The following SELENOP variants were observed in gnomAD, a reference collection of about 807,000 sequenced individuals.
SELENOP encodes selenoprotein P, also known as selenoprotein P, plasma, 1.
SELENOP carries 36 observed loss-of-function variants against 41.0 expected under a neutral mutation model. The ratio of observed to expected loss-of-function variants is 0.88; its 90% CI spans 0.67 to 1.16. The LOEUF is 1.16. SELENOP is among the 50% of genes most tolerant of loss of function. The probability of loss-of-function intolerance (pLI) is 0.00; values close to 1 mark genes in which losing one functional copy is unlikely to be tolerated. For synonymous variants in SELENOP, 144 were observed against 150.8 expected, an observed-to-expected ratio of 0.95 and a Z score of 0.33; for missense variants, 440 against 454.2, an observed-to-expected ratio of 0.97 and a Z score of 0.28.
chr5:42,801,208 T>C lies in SELENOP; in HGVS notation c.658A>G (p.Ser220Gly). Residue 220 changes from serine to glycine, a missense_variant, in exon 5 of 5, where the codon AGC (serine) becomes GGC (glycine). Ser to Gly is a moderately conservative substitution (Grantham distance 56, BLOSUM62 0). Coordinates refer to ENST00000514985, the MANE Select transcript of SELENOP (RefSeq NM_005410.4). ...HHNHGHQHLG[S>G]SELSENQQPG... ...TGCTGATTCTCTGAAAGCTCACTGC[T>C]GCCAAGGTGCTGATGTCCATGATTG... 1 of 1,614,216 alleles carries C rather than the reference T, an allele frequency of 6.2e-7. No individual in the cohort carries two copies. Among genetic ancestry groups the C allele is most frequent in the Admixed American group, 1.7e-5 (1 of 60,012 alleles).
In SELENOP at chr5:42,804,607, C is replaced by A. The variant is rs907129692; in HGVS notation, c.534+49G>T. 4.6e-6 allele frequency: 5 copies of A among 1,086,362 alleles called. No individual in the cohort carries two copies. In the Admixed American group the frequency reaches 8.4e-5, roughly 18 times the overall value. The allele number at this position is 1,086,362 out of a possible 1,614,324, so 67.3% of individuals were successfully genotyped here. A position where few individuals can be genotyped will look rare whatever the true frequency, so the allele number is the denominator to read the frequency against. On this transcript the variant is annotated intron_variant, in intron 4 of 4. Transcript: ENST00000514985. ...CTAAATAAGTGTTTCATGATAAACT[C>A]TTAAAAGATTTCCTCTTTTCTCCCC...
chr5:42,811,764 T>G (rs1323076436), intron 1 of SELENOP, 72 bp downstream of exon 1: 1 of 152,188 alleles, frequency 6.6e-6, no homozygotes, highest in Non-Finnish European at 1.5e-5. Context: ...AAAAAACAAT[T>G]TATCAGACTC....
rs28919895 is a variant in SELENOP at position 42,806,978 on chromosome 5, G to A, written c.334C>T (p.Pro112Ser). The A allele has an allele frequency of 1.1e-4, 182 of 1,611,540 alleles. No homozygotes were observed. In the East Asian group the frequency reaches 3.8e-3, roughly 34 times the overall value. The change falls in exon 3 of 5, where the codon CCT becomes TCT. Residue 112 changes from proline to serine, a missense_variant. By Grantham distance (74) the Pro-to-Ser change is moderately conservative. Coordinates refer to ENST00000514985, the MANE Select transcript of SELENOP (RefSeq NM_005410.4). ...HLKNKVSEHI[P>S]VYQQEENQTD... ...TGGTTTTCTTCTTGTTGATAAACAG[G>A]AATATGCTCTGAAACCTTATTCTTA...
At chr5:42,802,697 G>A (rs922588952) in intron 4 of SELENOP, among the ~76,000 whole-genome samples, 6 of 152,156 alleles carry the variant, frequency 3.9e-5, no homozygotes, top group African/African-American at 1.2e-4. Flanking sequence ...TGCAACTTCC[G>A]CCTCCTAGGT....
chr5:42,804,633 A>T, intron 4 of SELENOP, 23 bp downstream of exon 4: 1 of 1,355,118 alleles, frequency 7.4e-7, no homozygotes, highest in Non-Finnish European at 1.0e-6. Flanking sequence ...TTTTCTCCCC[A>T]GAAAAATAAT....
chr5:42,801,930 A>C (rs1760214772), intron 4 of SELENOP: 1 of 152,374 alleles, frequency 6.6e-6, no homozygotes, highest in Non-Finnish European at 1.5e-5. Flanking sequence ...AAAATAAAAA[A>C]TAAATAAAAA....
At position 42,800,512 on chromosome 5, in the gene SELENOP, C is replaced by T; in HGVS notation, c.*208G>A. ...ACATATTAACCAAAAGCTGCAATCA[C>T]CTTTCAGTTGCTCCATCATAAAAAA... On this transcript the variant is annotated 3_prime_UTR_variant, in exon 5 of 5. Transcript: ENST00000514985. The T allele has an allele frequency of 1.8e-6, 1 of 551,048 alleles. No homozygotes were observed. The highest frequency in any genetic ancestry group is 3.0e-6 in the Non-Finnish European group (1 of 328,776). The allele number at this position is 551,048 out of a possible 1,614,324, so 34.1% of individuals were successfully genotyped here. A position where few individuals can be genotyped will look rare whatever the true frequency, so the allele number is the denominator to read the frequency against.
chr5:42,808,090 C>T lies in SELENOP; in HGVS notation c.203+61G>A, dbSNP rs551386943. On this transcript the variant is annotated intron_variant, in intron 2 of 4. Coordinates refer to ENST00000514985, the MANE Select transcript of SELENOP (RefSeq NM_005410.4). The stretch of plus-strand genomic sequence containing the variant: ...TACACTTTTATTTTATGTCTATATG[C>T]GTGTGTGTATTTAATAGCCTTCCCC... 1.8e-4 allele frequency: 136 copies of T among 774,544 alleles called. 1 individual carries two copies. The East Asian group carries it at 3.7e-3, about 21-fold the overall frequency. The allele number at this position is 774,544 out of a possible 1,614,324, so 48.0% of individuals were successfully genotyped here.
At chr5:42,805,595 C>T (rs1377971160) in intron 3 of SELENOP, 4 of 140,176 alleles carry the variant, frequency 2.9e-5, no homozygotes, top group Admixed American at 7.8e-5. Context: ...TAGATTTGTG[C>T]AGATCATGCT....
rs748621134 is a variant in SELENOP at position 42,808,386 on chromosome 5, T to G, written c.-13-20A>C. 1 of 1,009,726 alleles carries G rather than the reference T, an allele frequency of 9.9e-7. No individual in the cohort carries two copies. Among genetic ancestry groups the G allele is most frequent in the Non-Finnish European group, 1.3e-6 (1 of 747,160 alleles). The allele number at this position is 1,009,726 out of a possible 1,614,324, so 62.5% of individuals were successfully genotyped here. A position where few individuals can be genotyped will look rare whatever the true frequency, so the allele number is the denominator to read the frequency against. On this transcript the variant is annotated intron_variant, in intron 1 of 4. Coordinates refer to ENST00000514985, the MANE Select transcript of SELENOP (RefSeq NM_005410.4). ...GTTGTCCTGTAAAAGAGAAAACCTG[T>G]CACTCTTCTTCATAGTTAACTTCAC...
intron 3 of SELENOP, chr5:42,806,079 C>T (rs1172332882): frequency 6.6e-6 from 1 of 152,084 alleles, no homozygotes; most frequent in African/African-American, 2.4e-5. Context: ...GGATTAAGAA[C>T]CCATAGAATT....
Position 42,804,741 on chromosome 5 carries a change from G to C in SELENOP, c.449C>G (p.Pro150Arg). Reference protein sequence around the residue: ...CGRLVYHLGLPFSFLTFPYVE... With the variant: ...CGRLVYHLGLRFSFLTFPYVE... Reference sequence around the variant, plus strand: ...ATATGGGAAAGTTAGGAAGGAAAAAGGCAAACCAAGATGATATACAAGACG... The same window carrying C: ...ATATGGGAAAGTTAGGAAGGAAAAACGCAAACCAAGATGATATACAAGACG... The change falls in exon 4 of 5, where the codon CCT (proline) becomes CGT (arginine). Residue 150 changes from proline to arginine, a missense_variant. Pro to Arg is a moderately radical substitution (Grantham distance 103, BLOSUM62 -2). Transcript: ENST00000514985. 6.2e-7 allele frequency: 1 copy of C among 1,609,340 alleles called. No homozygotes were observed. Among genetic ancestry groups the C allele is most frequent in the South Asian group, 1.1e-5 (1 of 90,740 alleles).
At chr5:42,810,253 A>G (rs1432718983) in intron 1 of SELENOP, among the ~76,000 whole-genome samples, 1 of 152,184 alleles carries the variant, frequency 6.6e-6, no homozygotes, top group African/African-American at 2.4e-5. Context: ...ATCACCTTGT[A>G]ATAACTATAG....
At position 42,806,928 on chromosome 5, in the gene SELENOP, A is replaced by C. The variant is rs761109893; in HGVS notation, c.384T>G (p.Asn128Lys). 6.2e-7 allele frequency: 1 copy of C among 1,610,930 alleles called. No homozygotes were observed. Among genetic ancestry groups the C allele is most frequent in the South Asian group, 1.1e-5 (1 of 90,796 alleles). The change falls in exon 3 of 5, where the codon AAT (asparagine) becomes AAG (lysine). Residue 128 changes from asparagine to lysine, a missense_variant. Asn to Lys is a moderately conservative substitution (Grantham distance 94, BLOSUM62 0). Coordinates refer to ENST00000514985, the MANE Select transcript of SELENOP (RefSeq NM_005410.4). ...ENQTDVWTLL[N>K]GSKDDFLIYD... ...ATATGAGGAAGTCATCTTTGCTTCC[A>C]TTTAAAAGAGTCCAGACATCTGTTT...
rs1760150241 is a variant in SELENOP at position 42,800,226 on chromosome 5, C to CT, written c.*493dup. On this transcript the variant is annotated 3_prime_UTR_variant, in exon 5 of 5. Coordinates refer to ENST00000514985, the MANE Select transcript of SELENOP (RefSeq NM_005410.4). The stretch of plus-strand genomic sequence containing the variant: ...TGGATATTTAAAATAGTTATATATG[C>CT]TTTTTTAGCAAAATATTCACGTGTT... 6.4e-6 allele frequency: 1 copy of CT among 156,610 alleles called. No homozygotes were observed. 9.7% of individuals were successfully genotyped at this position (156,610 alleles called of 1,614,324 possible). A position where few individuals can be genotyped will look rare whatever the true frequency, so the allele number is the denominator to read the frequency against.
intron 2 of SELENOP, 118 bp downstream of exon 2, chr5:42,808,033 G>C (rs1050661277): frequency 1.8e-5 from 8 of 454,882 alleles, no homozygotes; most frequent in African/African-American, 1.4e-4. Flanking sequence ...CAAACACATA[G>C]TTTTTCTAAA....
At position 42,810,737 on chromosome 5, in the gene SELENOP, C is replaced by T. The variant is rs1760441256; in HGVS notation, c.-14+1099G>A. On this transcript the variant is annotated intron_variant, in intron 1 of 4. Transcript: ENST00000514985. ...CCTCCCAAAGTGCTGGGATTACAAG[C>T]GTGAGCCACCGCGTCCAGCCCAGAG... 6 of 1,015,796 alleles carry T rather than the reference C, an allele frequency of 5.9e-6. No individual in the cohort carries two copies. The South Asian group carries it at 6.3e-5, about 11-fold the overall frequency. The allele number at this position is 1,015,796 out of a possible 1,614,324, so 62.9% of individuals were successfully genotyped here.
chr5:42,809,247 G>GTTCCTATGACTAGAAAA (rs1267353516), intron 1 of SELENOP, among the ~76,000 whole-genome samples: 2 of 152,168 alleles, frequency 1.3e-5, no homozygotes, highest in Admixed American at 6.5e-5. Flanking sequence ...TTATTGGAAA[G>GTTCCTATGACTAGAAAA]TTCCTATGAC....
chr5:42,801,332 C>G lies in SELENOP; in HGVS notation c.535-1G>C. 6.3e-7 allele frequency: 1 copy of G among 1,591,816 alleles called. No homozygotes were observed. The highest frequency in any genetic ancestry group is 8.5e-7 in the Non-Finnish European group (1 of 1,170,728). ...TACAAAAGTCTTCATCTTTGAGAGT[C>G]TGGAACAAATTTATAAATCACTTTT... On this transcript the variant is annotated splice_acceptor_variant, in intron 4 of 4. Transcript: ENST00000514985. LOFTEE classifies it high-confidence loss of function.
Sources: allele counts gnomAD v4.1 joint callset (sites outside exome capture counted in the v4.1 genomes callset), GRCh38; gene constraint gnomAD v4.1.1; transcripts MANE v1.5; gene names NCBI Gene and HGNC (gene_info 2026-07-23, HGNC 2026-07-21).